Variants in ARSD observed in about 807,000 individuals in gnomAD.
The protein encoded by ARSD is testis tissue sperm-binding protein Li 39a.
In ARSD, 21 loss-of-function variants were observed where a neutral mutation model predicts 32.6. The observed-to-expected ratio is 0.64, with a 90% CI of 0.46 to 0.93. The LOEUF (loss-of-function observed/expected upper bound fraction) is 0.93. Ranked by LOEUF, ARSD falls within the 40% of genes least tolerant of loss-of-function variation. The probability of loss-of-function intolerance (pLI) is 0.00; values close to 1 mark genes in which losing one functional copy is unlikely to be tolerated. For missense variants in ARSD, 454 were observed against 520.9 expected, an observed-to-expected ratio of 0.87 and a Z score of 1.25; for synonymous variants, 224 against 237.4, an observed-to-expected ratio of 0.94 and a Z score of 0.52.
At chrX:2,910,305 T>A (rs1235358468) in intron 7 of ARSD, among the ~76,000 whole-genome samples, 2 of 89,165 alleles carry the variant, frequency 2.2e-5, no homozygotes, top group Non-Finnish European at 4.2e-5. Context: ...CAATAATTTT[T>A]AAAATATGTA....
At chrX:2,927,621 A>T (rs992323624) in intron 1 of ARSD, among the ~76,000 whole-genome samples, 10 of 112,244 alleles carry the variant, frequency 8.9e-5, no homozygotes, top group African/African-American at 3.2e-4. Flanking sequence ...ATGCCTAAGT[A>T]ACAAAAGGAC....
intron 9 of ARSD, 58 bp downstream of exon 9, chrX:2,908,663 C>T (rs2088876095): frequency 1.8e-6 from 2 of 1,118,513 alleles, no homozygotes; most frequent in East Asian, 6.2e-5. Flanking sequence ...TCCACATATC[C>T]ACACATCCTA....
At position 2,915,593 on chromosome X, in the gene ARSD, T is replaced by A. The variant is rs747918376; in HGVS notation, c.963A>T (p.Leu321Phe). The A allele has an allele frequency of 5.0e-6, 6 of 1,211,556 alleles. No homozygotes were observed. The highest frequency in any genetic ancestry group is 6.7e-6 in the Non-Finnish European group (6 of 895,260). Residue 321 changes from leucine to phenylalanine, a missense_variant, in exon 6 of 10, where the codon TTA (leucine) becomes TTT (phenylalanine). By Grantham distance (22) the Leu-to-Phe change is conservative. Coordinates refer to ENST00000381154, the MANE Select transcript of ARSD (RefSeq NM_001669.4). ...SAFLGKSQHG[L>F]YGDNVEEMDW... ...CCATCTCCTCCACATTATCACCATA[T>A]AAGCCATGCTGACTTTTCCCCAGGA... is the stretch of plus-strand genomic sequence containing the variant.
In ARSD at chrX:2,904,993, C is replaced by T; in HGVS notation, c.*2278G>A. 3.0e-6 allele frequency: 1 copy of T among 338,877 alleles called. No individual in the cohort carries two copies. The highest frequency in any genetic ancestry group is 2.6e-5 in the South Asian group (1 of 38,113). The allele number at this position is 338,877 out of a possible 1,213,427, so 27.9% of individuals were successfully genotyped here. ...CCCTCTCCAGCCCTAGAAACCTGAG[C>T]TCTATAAATGTTGCCTCTCTCCACT... On this transcript the variant is annotated 3_prime_UTR_variant, in exon 10 of 10. Transcript: ENST00000381154.
intron 3 of ARSD, among the ~76,000 whole-genome samples, chrX:2,921,414 TCTAG>T (rs1484788802): frequency 2.7e-5 from 3 of 112,237 alleles, no homozygotes; most frequent in African/African-American, 6.5e-5. Flanking sequence ...TATCTAGCTA[TCTAG>T]CTATCAATCA....
chrX:2,922,112 TG>T lies in ARSD; in HGVS notation c.195-89del. 3 of 1,051,008 alleles carry T rather than the reference TG, an allele frequency of 2.9e-6. No individual in the cohort carries two copies. In the South Asian group the frequency reaches 7.2e-5, roughly 25 times the overall value. The allele number at this position is 1,051,008 out of a possible 1,213,427, so 86.6% of individuals were successfully genotyped here. ...CTGCTCTGAAAGGCACAGGAATAGC[TG>T]CAAGGACTTCACCGGATTTCAGAAT... On this transcript the variant is annotated intron_variant, in intron 2 of 9. Coordinates refer to ENST00000381154, the MANE Select transcript of ARSD (RefSeq NM_001669.4).
rs746482942 is a variant in ARSD at position 2,924,127 on chromosome X, G to C, written c.194+1489C>G. ...AGCTCACCATAACCTCCACCTCCCG[G>C]GCTCAAGCCATCCTCCACTCTCAGC... On this transcript the variant is annotated intron_variant, in intron 2 of 9. Transcript: ENST00000381154. Among the ~76,000 whole-genome samples the C allele has an allele frequency of 2.8e-4, 31 of 112,417 alleles. No individual in the cohort carries two copies. In the South Asian group the frequency reaches 7.3e-3, roughly 27 times the overall value.
rs1181114744 is a variant in ARSD at position 2,910,792 on chromosome X, A to T, written c.1002T>A (p.Gly334=). 1 of 1,204,777 alleles carries T rather than the reference A, an allele frequency of 8.3e-7. No individual in the cohort carries two copies. Among genetic ancestry groups the T allele is most frequent in the Non-Finnish European group, 1.1e-6 (1 of 892,809 alleles). ...DNVEEMDWLI[G]KVLNAIEDNG... ...TGTCTTCGATGGCATTAAGAACCTTACCTTTACAGAAAATGGAAAGTTTCA... is the reference window on the plus strand; with the variant it reads ...TGTCTTCGATGGCATTAAGAACCTTTCCTTTACAGAAAATGGAAAGTTTCA... The change falls in exon 7 of 10, where the codon GGT becomes GGA. Residue 334 remains glycine (G), a splice_region_variant and synonymous_variant. Transcript: ENST00000381154.
intron 2 of ARSD, chrX:2,923,096 A>G (rs1238129286): frequency 9.5e-5 from 15 of 158,381 alleles, no homozygotes; most frequent in Non-Finnish European, 1.2e-5. Context: ...TGGCTGCCAG[A>G]GGCTGAGGGT....
intron 4 of ARSD, among the ~76,000 whole-genome samples, chrX:2,919,690 G>C (rs1057139568): frequency 9.9e-5 from 11 of 111,570 alleles, no homozygotes; most frequent in Non-Finnish European, 1.5e-4. Flanking sequence ...ACCTCCTTTG[G>C]TTCTGGGAGT....
Position 2,917,942 on chromosome X carries a change from A to G in ARSD, c.725T>C (p.Ile242Thr), listed in dbSNP as rs760839169. 8.3e-7 allele frequency: 1 copy of G among 1,212,119 alleles called. No homozygotes were observed. Among genetic ancestry groups the G allele is most frequent in the Non-Finnish European group, 1.1e-6 (1 of 895,522 alleles). The stretch of plus-strand genomic sequence containing the variant: ...AAACCCGAAGGAGGAGTACCAAGAG[A>G]TGAAAAACAGGCAGCCCACGCCGGC... ...GMAGVGCLFF[I>T]SWYSSFGFVR... Residue 242 changes from isoleucine (I) to threonine (T), a missense_variant, in exon 5 of 10, where the codon ATC (isoleucine) becomes ACC (threonine). Ile to Thr is a moderately conservative substitution (Grantham distance 89, BLOSUM62 -1). Transcript: ENST00000381154.
At position 2,918,184 on chromosome X, in the gene ARSD, G is replaced by A; in HGVS notation, c.483C>T (p.His161=). 5 of 1,191,538 alleles carry A rather than the reference G, an allele frequency of 4.2e-6. No individual in the cohort carries two copies. Among genetic ancestry groups the A allele is most frequent in the East Asian group, 3.0e-5 (1 of 33,370 alleles). Residue 161 remains histidine (H), a synonymous_variant, in exon 5 of 10, where the codon CAC becomes CAT. Coordinates refer to ENST00000381154, the MANE Select transcript of ARSD (RefSeq NM_001669.4). The part of the protein sequence containing the change: ...QGVNCASRGD[H]CHHPLNHGFD... Reference sequence around the variant, plus strand: ...ATCCGTGGTTCAGGGGGTGGTGGCAGTGATCCCCGCGGGATGCACAATTCA... The same window carrying A: ...ATCCGTGGTTCAGGGGGTGGTGGCAATGATCCCCGCGGGATGCACAATTCA...
chrX:2,913,396 C>T (rs1030069311), intron 6 of ARSD: 37 of 461,609 alleles, frequency 8.0e-5, no homozygotes, highest in Non-Finnish European at 9.1e-5. Context: ...CCCCTCTTCC[C>T]GTTATGGCAT....
At chrX:2,922,572 C>T (rs1398450843) in intron 2 of ARSD, among the ~76,000 whole-genome samples, 5 of 109,697 alleles carry the variant, frequency 4.6e-5, no homozygotes, top group East Asian at 2.8e-4. Flanking sequence ...CGGTGGCTCA[C>T]GCCCGTAATC....
chrX:2,906,021 C>G lies in ARSD; in HGVS notation c.*1250G>C, dbSNP rs2088849316. 1 of 112,238 alleles carries G rather than the reference C, an allele frequency of 8.9e-6. No individual in the cohort carries two copies. The highest frequency in any genetic ancestry group is 2.8e-4 in the East Asian group (1 of 3,588). 9.2% of individuals were successfully genotyped at this position (112,238 alleles called of 1,213,427 possible). Reference sequence around the variant, plus strand: ...ATAATGAGGCCAACTCTCTGCCATGCTAAGAGTGGCAGAGCTGGGAATTGA... The same window carrying G: ...ATAATGAGGCCAACTCTCTGCCATGGTAAGAGTGGCAGAGCTGGGAATTGA... On this transcript the variant is annotated 3_prime_UTR_variant, in exon 10 of 10. Coordinates refer to ENST00000381154, the MANE Select transcript of ARSD (RefSeq NM_001669.4).
At position 2,928,733 on chromosome X, in the gene ARSD, G is replaced by A. The variant is rs1603461443; in HGVS notation, c.44+499C>T. ...AGTGGGGCGGGCAAGGCTACGCTTC[G>A]GGGGATGGAGCCTTGGGGCGGGACG... On this transcript the variant is annotated intron_variant, in intron 1 of 9. Transcript: ENST00000381154. Among the ~76,000 whole-genome samples, 8 of 104,450 alleles carry A rather than the reference G, an allele frequency of 7.7e-5. 2 individuals are homozygous for A. The highest frequency in any genetic ancestry group is 1.0e-4 in the Admixed American group (1 of 9,940). The allele number at this position is 104,450 out of a possible 115,157, so 90.7% of individuals were successfully genotyped here.
At chrX:2,908,658 A>G in intron 9 of ARSD, 63 bp downstream of exon 9, 1 of 1,096,239 alleles carries the variant, frequency 9.1e-7, no homozygotes, top group Non-Finnish European at 1.2e-6. Context: ...ATCCATCCAC[A>G]TATCCACACA....
At chrX:2,924,126 G>A (rs185839684) in intron 2 of ARSD, among the ~76,000 whole-genome samples, 2,240 of 112,327 alleles carry the variant, frequency 0.02, 59 homozygotes, top group African/African-American at 0.068. Context: ...TCCACCTCCC[G>A]GGCTCAAGCC....
Position 2,908,820 on chromosome X carries a change from C to A in ARSD, c.1321G>T (p.Val441Leu), listed in dbSNP as rs775107418. The A allele has an allele frequency of 1.2e-5, 15 of 1,208,950 alleles. No homozygotes were observed. The South Asian group carries it at 1.9e-4, about 16-fold the overall frequency. Residue 441 changes from valine to leucine, a missense_variant, in exon 9 of 10, where the codon GTA becomes TTA. By Grantham distance (32) the Val-to-Leu change is conservative. Coordinates refer to ENST00000381154, the MANE Select transcript of ARSD (RefSeq NM_001669.4). ...QDRVIDGHSLVPLLQGAEARS... is the reference protein window; with the variant it reads ...QDRVIDGHSLLPLLQGAEARS... ...GCCTCAGCTCCCTGCAGCAAGGGTACCAGGCTGTGGCCATCAATCACCCTG... is the reference window on the plus strand; with the variant it reads ...GCCTCAGCTCCCTGCAGCAAGGGTAACAGGCTGTGGCCATCAATCACCCTG...
Sources: gnomAD v4.1 joint callset for allele counts (sites outside exome capture counted in the v4.1 genomes callset) on GRCh38, gnomAD v4.1.1 for gene constraint, MANE v1.5 for transcripts, NCBI Gene and HGNC (gene_info 2026-07-23, HGNC 2026-07-21) for gene names.